HIPK1: variants seen among roughly 807,000 people sequenced by gnomAD.
HIPK1 encodes homeodomain-interacting protein kinase 1.
In HIPK1, 28 loss-of-function variants were observed where a neutral mutation model predicts 117.1. That is an observed-to-expected ratio of 0.24 (90% CI 0.18 to 0.33). The LOEUF (loss-of-function observed/expected upper bound fraction) is 0.33, where lower values mean the gene tolerates loss of function less well. HIPK1 is among the 10% of genes least tolerant of loss of function. HIPK1 has a pLI of 1.00. For missense variants in HIPK1, 1,122 were observed against 1,475.1 expected (o/e 0.76, Z 3.92); for synonymous variants, 605 against 562.5 (o/e 1.08, Z -1.07).
chr1:113,940,312 TTG>T, intron 1 of HIPK1, 68 bp from the exon 2 acceptor site: 2 of 1,289,106 alleles, frequency 1.6e-6, no homozygotes, highest in Non-Finnish European at 2.2e-6. Flanking sequence ...GTGTGTGTGT[TTG>T]TGTGTTTTAA....
intron 4 of HIPK1, among the ~76,000 whole-genome samples, 199 bp from the exon 5 acceptor site, chr1:113,955,364 A>G (rs1264708911): frequency 6.6e-6 from 1 of 152,168 alleles, no homozygotes; most frequent in African/African-American, 2.4e-5. Flanking sequence ...TTGCATGTTT[A>G]TCACTGTTGA....
At chr1:113,951,905 G>C (rs1291292605) in intron 2 of HIPK1, among the ~76,000 whole-genome samples, 2 of 148,268 alleles carry the variant, frequency 1.3e-5, no homozygotes, top group African/African-American at 5.0e-5. Context: ...TTTTTTTCCA[G>C]AAGGCATTTC....
At chr1:113,962,970 C>T (rs923614091) in intron 9 of HIPK1, among the ~76,000 whole-genome samples, 8 of 151,988 alleles carry the variant, frequency 5.3e-5, no homozygotes, top group East Asian at 1.9e-4. Context: ...ATGGAACATT[C>T]GACTAAGATG....
At chr1:113,967,744 C>G in intron 11 of HIPK1, 22 bp from the exon 12 acceptor site, 1 of 1,459,000 alleles carries the variant, frequency 6.9e-7, no homozygotes, top group Non-Finnish European at 9.1e-7. Flanking sequence ...ATTCACTCTT[C>G]TCTTTCTTTC....
At chr1:113,966,513 A>G (rs1672457914) in intron 11 of HIPK1, among the ~76,000 whole-genome samples, 1 of 152,226 alleles carries the variant, frequency 6.6e-6, no homozygotes, top group Non-Finnish European at 1.5e-5. Context: ...GTCTTAAGTG[A>G]TTAGAAACCA....
chr1:113,963,372 T>A lies in HIPK1; in HGVS notation c.2104-15T>A. 6.2e-7 allele frequency: 1 copy of A among 1,612,610 alleles called. No homozygotes were observed. Among genetic ancestry groups the A allele is most frequent in the Non-Finnish European group, 8.5e-7 (1 of 1,179,554 alleles). On this transcript the variant is annotated splice_polypyrimidine_tract_variant and intron_variant, in intron 9 of 15. Transcript: ENST00000426820. ...TCCGTGTTTGTTTCACTCACCTGCC[T>A]AATCTACGTTTCAGGGAAGCTGTAC...
chr1:113,929,559 A>C, intron 1 of HIPK1, 27 bp downstream of exon 1: 1 of 1,278,572 alleles, frequency 7.8e-7, no homozygotes, highest in Non-Finnish European at 1.0e-6. Flanking sequence ...GGGGCGGGTG[A>C]ATAGTTCCGG....
intron 1 of HIPK1, chr1:113,933,067 G>A: frequency 3.0e-6 from 1 of 329,912 alleles, no homozygotes; most frequent in Non-Finnish European, 4.3e-6. Flanking sequence ...AGACTGTTAT[G>A]TGCAGGTACT....
rs370549943 is a variant in HIPK1, at chr1:113,977,802, T to C, written c.*4290T>C. On this transcript the variant is annotated 3_prime_UTR_variant, in exon 16 of 16. Coordinates refer to ENST00000426820, the MANE Select transcript of HIPK1 (RefSeq NM_198268.3). ...CAATAAAATGGGTAAATTTTCTGAC[T>C]TATGTGGCTGTTTTTGACTTCTGTT... 2.0e-4 allele frequency: 30 copies of C among 152,910 alleles called. No homozygotes were observed. Among genetic ancestry groups the C allele is most frequent in the African/African-American group, 6.5e-4 (27 of 41,588 alleles). 9.5% of individuals were successfully genotyped at this position (152,910 alleles called of 1,614,324 possible).
chr1:113,933,691 C>T (rs1386386148), intron 1 of HIPK1, among the ~76,000 whole-genome samples: 2 of 151,844 alleles, frequency 1.3e-5, no homozygotes, highest in Non-Finnish European at 1.5e-5. Context: ...ATGGTGAAAC[C>T]CTGTCTCTAC....
chr1:113,929,342 C>T lies in HIPK1; in HGVS notation c.-193C>T, dbSNP rs928340798. 13 of 1,289,378 alleles carry T rather than the reference C, an allele frequency of 1.0e-5. No individual in the cohort carries two copies. Among genetic ancestry groups the T allele is most frequent in the East Asian group, 1.1e-4 (2 of 18,122 alleles). The allele number at this position is 1,289,378 out of a possible 1,614,324, so 79.9% of individuals were successfully genotyped here. ...CTGGGATGACATTTTACAGTTGGAT[C>T]CCGTACCACCGCCAGGCACCTTTAA... On this transcript the variant is annotated 5_prime_UTR_variant, in exon 1 of 16. Coordinates refer to ENST00000426820, the MANE Select transcript of HIPK1 (RefSeq NM_198268.3).
chr1:113,946,881 A>G (rs1671022554), intron 2 of HIPK1, among the ~76,000 whole-genome samples: 1 of 152,226 alleles, frequency 6.6e-6, no homozygotes, highest in Admixed American at 6.5e-5. Context: ...AGCCTAAGGC[A>G]GATGGAACAG....
intron 1 of HIPK1, among the ~76,000 whole-genome samples, chr1:113,938,421 A>T (rs1670394288): frequency 6.6e-6 from 1 of 151,976 alleles, no homozygotes; most frequent in South Asian, 2.1e-4. Context: ...AGAATCTTGG[A>T]CATTATCTCC....
chr1:113,954,801 T>G (rs771588061), intron 4 of HIPK1, 31 bp downstream of exon 4: 4 of 1,586,022 alleles, frequency 2.5e-6, no homozygotes. Context: ...TTCCGACTCC[T>G]GTACTCCACC....
intron 11 of HIPK1, 53 bp from the exon 12 acceptor site, chr1:113,967,713 T>C: frequency 7.5e-7 from 1 of 1,328,530 alleles, no homozygotes; most frequent in South Asian, 1.7e-5. Context: ...TGTTTGGTCC[T>C]GATTCTTCAG....
intron 2 of HIPK1, among the ~76,000 whole-genome samples, chr1:113,951,667 C>G (rs1416646128): frequency 6.6e-6 from 1 of 152,186 alleles, no homozygotes; most frequent in Non-Finnish European, 1.5e-5. Flanking sequence ...ATGTGCCATG[C>G]ACTGGTCTAA....
intron 8 of HIPK1, among the ~76,000 whole-genome samples, chr1:113,961,827 G>A (rs753141446): frequency 1.3e-5 from 2 of 151,222 alleles, no homozygotes; most frequent in East Asian, 1.9e-4. Context: ...TCCTGTAGTC[G>A]CAGCTACTTG....
At chr1:113,939,572 G>C (rs1036363879) in intron 1 of HIPK1, among the ~76,000 whole-genome samples, 1 of 152,026 alleles carries the variant, frequency 6.6e-6, no homozygotes, top group Non-Finnish European at 1.5e-5. Flanking sequence ...ATAGGGTTTG[G>C]AGTTCAAAGC....
At chr1:113,970,545 AG>A (rs1672755070) in intron 14 of HIPK1, among the ~76,000 whole-genome samples, 1 of 152,250 alleles carries the variant, frequency 6.6e-6, no homozygotes, top group Non-Finnish European at 1.5e-5. Flanking sequence ...AGATGTAGAC[AG>A]GACTTGATAA....
Sources: allele counts gnomAD v4.1 joint callset (sites outside exome capture counted in the v4.1 genomes callset), GRCh38; gene constraint gnomAD v4.1.1; transcripts MANE v1.5; gene names NCBI Gene and HGNC (gene_info 2026-07-23, HGNC 2026-07-21).